Variants in XIRP2 observed in about 807,000 individuals in gnomAD.
XIRP2 encodes the protein xin actin-binding repeat-containing protein 2.
XIRP2 carries 236 observed loss-of-function variants against 277.0 expected under a neutral mutation model. That is an observed-to-expected ratio of 0.85 (90% CI 0.77 to 0.95). The LOEUF (loss-of-function observed/expected upper bound fraction) is 0.95, where lower values mean the gene tolerates loss of function less well. Ranked by LOEUF, XIRP2 falls within the 40% of genes least tolerant of loss-of-function variation. XIRP2 has a pLI of 0.00. For missense variants in XIRP2, 4,640 were observed against 4,157.5 expected (o/e 1.12, Z -3.19); for synonymous variants, 1,490 against 1,416.5 (o/e 1.05, Z -1.17).
chr2:167,188,644 C>G (rs954803446), intron 3 of XIRP2, among the ~76,000 whole-genome samples: 1 of 152,186 alleles, frequency 6.6e-6, no homozygotes, highest in African/African-American at 2.4e-5. Context: ...GAATTCTATG[C>G]TTAAGTATTT....
intron 3 of XIRP2, among the ~76,000 whole-genome samples, chr2:167,206,860 T>C (rs1693870245): frequency 6.6e-6 from 1 of 152,214 alleles, no homozygotes; most frequent in African/African-American, 2.4e-5. Flanking sequence ...AATATTTACA[T>C]TTAGAAAATG....
At chr2:167,042,758 T>A (rs1033095024) in intron 2 of XIRP2, among the ~76,000 whole-genome samples, 1 of 152,028 alleles carries the variant, frequency 6.6e-6, no homozygotes, top group Non-Finnish European at 1.5e-5. Flanking sequence ...ACAATAATAG[T>A]TGGATATTTG....
At chr2:166,895,873 T>C (rs961175129) in intron 1 of XIRP2, among the ~76,000 whole-genome samples, 1 of 152,170 alleles carries the variant, frequency 6.6e-6, no homozygotes, top group Non-Finnish European at 1.5e-5. Flanking sequence ...GTAATAGTGA[T>C]TAACAGATAC....
intron 2 of XIRP2, among the ~76,000 whole-genome samples, chr2:166,933,280 C>G (rs1685400978): frequency 6.6e-6 from 1 of 151,818 alleles, no homozygotes; most frequent in East Asian, 2.0e-4. Context: ...TCCCGAGTAG[C>G]TGGGACTACA....
intron 2 of XIRP2, among the ~76,000 whole-genome samples, chr2:167,014,032 G>T (rs973339496): frequency 6.6e-4 from 95 of 144,014 alleles, no homozygotes; most frequent in African/African-American, 2.3e-3. Flanking sequence ...TAATTAATCT[G>T]CTCATGATTA....
chr2:167,113,518 T>G (rs1690817653), intron 2 of XIRP2, among the ~76,000 whole-genome samples: 1 of 152,170 alleles, frequency 6.6e-6, no homozygotes, highest in African/African-American at 2.4e-5. Flanking sequence ...CATCCCTTCA[T>G]TTTGAGCCTA....
At chr2:166,941,838 A>G (rs1228769685) in intron 2 of XIRP2, among the ~76,000 whole-genome samples, 1 of 152,224 alleles carries the variant, frequency 6.6e-6, no homozygotes, top group Non-Finnish European at 1.5e-5. Context: ...TACTTTGAGC[A>G]GAGAATTCTG....
Position 167,244,293 on chromosome 2 carries a change from G to C in XIRP2, c.2901G>C (p.Glu967Asp). 3 of 1,613,818 alleles carry C rather than the reference G, an allele frequency of 1.9e-6. No individual in the cohort carries two copies. The highest frequency in any genetic ancestry group is 2.5e-6 in the Non-Finnish European group (3 of 1,179,852). Residue 967 changes from glutamate to aspartate, a missense_variant, in exon 9 of 11, where the codon GAG becomes GAC. Physicochemically the swap from Glu to Asp is conservative, Grantham distance 45 (BLOSUM62 2). Transcript: ENST00000409195. ...LIKFDASHKI[E>D]VEGVTRGAVE... ...AATTTGATGCATCACATAAAATAGA[G>C]GTGGAAGGAGTTACAAGAGGTGCTG...
At position 167,244,412 on chromosome 2, in the gene XIRP2, A is replaced by G. The variant is rs758937606; in HGVS notation, c.3020A>G (p.Glu1007Gly). Residue 1007 changes from glutamate (E) to glycine (G), a missense_variant, in exon 9 of 11, where the codon GAA (glutamate) becomes GGA (glycine). Glu to Gly is a moderately conservative substitution (Grantham distance 98). Coordinates refer to ENST00000409195, the MANE Select transcript of XIRP2 (RefSeq NM_152381.6). ...CATCAAGTAAAGACAGTCCAGCAAG[A>G]AGAAATCGTAAGAGGTGATGTAAGA... ...KYHQVKTVQQ[E>G]EIVRGDVRSC... 2.5e-6 allele frequency: 4 copies of G among 1,613,760 alleles called. No homozygotes were observed. In the South Asian group the frequency reaches 3.3e-5, roughly 13 times the overall value.
chr2:167,119,424 A>T (rs1690990852), intron 2 of XIRP2, among the ~76,000 whole-genome samples: 1 of 152,238 alleles, frequency 6.6e-6, no homozygotes, highest in African/African-American at 2.4e-5. Context: ...AAGGTAAAAT[A>T]CTATAGGGGT....
Position 167,250,945 on chromosome 2 carries a change from C to T in XIRP2, c.9553C>T (p.Leu3185Phe). 3 of 1,613,552 alleles carry T rather than the reference C, an allele frequency of 1.9e-6. No individual in the cohort carries two copies. The highest frequency in any genetic ancestry group is 3.3e-4 in the Middle Eastern group (2 of 6,058). The change falls in exon 9 of 11, where the codon CTC (leucine) becomes TTC (phenylalanine). Residue 3185 changes from leucine (L) to phenylalanine (F), a missense_variant. Transcript: ENST00000409195. ...GAGTCGCTCTGAACAACTTGTCAGA[C>T]TCAAAGACACCACTGCAAAGTTATC... ...PRSRSEQLVR[L>F]KDTTAKLSKG...
chr2:167,034,840 C>T (rs1230378329), intron 2 of XIRP2, among the ~76,000 whole-genome samples: 1 of 152,180 alleles, frequency 6.6e-6, no homozygotes, highest in Non-Finnish European at 1.5e-5. Context: ...GCTGTGTCCC[C>T]ACCCAAATCT....
intron 2 of XIRP2, among the ~76,000 whole-genome samples, chr2:167,086,445 A>G (rs1013024169): frequency 6.6e-6 from 1 of 151,896 alleles, no homozygotes; most frequent in Admixed American, 6.6e-5. Flanking sequence ...CTCAAGGAGT[A>G]TCTTTGTGGC....
chr2:167,087,526 T>A (rs1286473569), intron 2 of XIRP2, among the ~76,000 whole-genome samples: 1 of 150,544 alleles, frequency 6.6e-6, no homozygotes, highest in Non-Finnish European at 1.5e-5. Context: ...CAATGGCGGG[T>A]GCCCCTCACC....
chr2:166,928,517 A>G (rs1434806067), intron 2 of XIRP2, among the ~76,000 whole-genome samples: 1 of 152,106 alleles, frequency 6.6e-6, no homozygotes, highest in African/African-American at 2.4e-5. Flanking sequence ...ATTACTGATG[A>G]CTGATGATGT....
intron 3 of XIRP2, among the ~76,000 whole-genome samples, chr2:167,152,907 C>T (rs956128325): frequency 2.0e-5 from 3 of 152,244 alleles, no homozygotes; most frequent in Non-Finnish European, 4.4e-5. Flanking sequence ...GCATTAAAGT[C>T]ACAGATAAAA....
At chr2:166,897,058 G>C (rs1431256457) in intron 1 of XIRP2, among the ~76,000 whole-genome samples, 1 of 152,138 alleles carries the variant, frequency 6.6e-6, no homozygotes, top group Non-Finnish European at 1.5e-5. Context: ...TACACTCTGT[G>C]ATCTTCTCAC....
chr2:167,111,090 T>G (rs1302635746), intron 2 of XIRP2, among the ~76,000 whole-genome samples: 1 of 152,116 alleles, frequency 6.6e-6, no homozygotes. Flanking sequence ...ACTATGGGGT[T>G]TTTTACATAC....
At chr2:167,028,743 G>T (rs1688244660) in intron 2 of XIRP2, among the ~76,000 whole-genome samples, 2 of 151,730 alleles carry the variant, frequency 1.3e-5, no homozygotes, top group South Asian at 4.2e-4. Context: ...ACGAAATCAA[G>T]AATGACAGAG....
Sources: gnomAD v4.1 joint callset for allele counts (sites outside exome capture counted in the v4.1 genomes callset) on GRCh38, gnomAD v4.1.1 for gene constraint, MANE v1.5 for transcripts, NCBI Gene and HGNC (gene_info 2026-07-23, HGNC 2026-07-21) for gene names.